DCAF6: variants seen among roughly 807,000 people sequenced by gnomAD.
DCAF6 encodes the protein DDB1- and CUL4-associated factor 6.
A neutral mutation model predicts 125.1 loss-of-function variants in DCAF6; 54 were observed. That is an observed-to-expected ratio of 0.43 (90% confidence interval 0.35 to 0.54). DCAF6 has a LOEUF of 0.54. Among genes scored for constraint, DCAF6 ranks in the 20% least tolerant of loss-of-function variants. DCAF6 has a pLI of 0.01. For missense variants in DCAF6, 934 were observed against 1,161.7 expected, an observed-to-expected ratio of 0.80 and a Z score of 2.85; for synonymous variants, 371 against 390.4, an observed-to-expected ratio of 0.95 and a Z score of 0.58.
chr1:167,958,269 C>G (rs1675064089), intron 2 of DCAF6, among the ~76,000 whole-genome samples: 1 of 149,316 alleles, frequency 6.7e-6, no homozygotes. Context: ...AGTTTTAGCT[C>G]TTCTGTTTAG....
At chr1:167,956,347 CATA>C (rs1674787405) in intron 2 of DCAF6, among the ~76,000 whole-genome samples, 1 of 152,076 alleles carries the variant, frequency 6.6e-6, no homozygotes, top group Admixed American at 6.6e-5. Context: ...AATTTATTGA[CATA>C]AAATTGTTCA....
At chr1:168,007,778 TCTCTTTACATACA>T (rs1348258503) in intron 10 of DCAF6, among the ~76,000 whole-genome samples, 1 of 151,872 alleles carries the variant, frequency 6.6e-6, no homozygotes, top group African/African-American at 2.4e-5. Flanking sequence ...TCTCTTCTCT[TCTCTTTACATACA>T]CTCTTTCTCT....
At position 167,967,714 on chromosome 1, in the gene DCAF6, C is replaced by CTTTTTTTTTTTTTTT. The variant is rs552208317; in HGVS notation, c.252+1005_252+1019dup. Among the ~76,000 whole-genome samples the CTTTTTTTTTTTTTTT allele has an allele frequency of 2.1e-4, 16 of 74,578 alleles. 1 individual carries two copies. The highest frequency in any genetic ancestry group is 7.4e-4 in the African/African-American group (14 of 18,982). The allele number at this position is 74,578 out of a possible 152,430, so 48.9% of individuals were successfully genotyped here. A position where few individuals can be genotyped will look rare whatever the true frequency, so the allele number is the denominator to read the frequency against. ...CCTGATTGTCTTAAATTTCCTGTAT[C>CTTTTTTTTTTTTTTT]TTTTTTTTTTTTTTTTTTTTTTTTT... is the stretch of plus-strand genomic sequence containing the variant. On this transcript the variant is annotated intron_variant, in intron 3 of 21. Coordinates refer to ENST00000367840, the MANE Select transcript of DCAF6 (RefSeq NM_001198956.2).
the DCAF6 span, among the ~76,000 whole-genome samples, chr1:167,928,844 G>A: frequency 6.6e-6 from 1 of 152,106 alleles, no homozygotes; most frequent in African/African-American, 2.4e-5. Flanking sequence ...TTGATTAGGT[G>A]GAAAATTTGA....
At chr1:167,964,347 T>G (rs1407258960) in intron 2 of DCAF6, among the ~76,000 whole-genome samples, 3 of 152,232 alleles carry the variant, frequency 2.0e-5, no homozygotes, top group Non-Finnish European at 4.4e-5. Flanking sequence ...TGCTTTGTTT[T>G]GTTTCCGTTA....
intron 10 of DCAF6, among the ~76,000 whole-genome samples, chr1:168,009,345 C>CCTCCCTTCCTT: frequency 7.8e-6 from 1 of 127,818 alleles, no homozygotes; most frequent in Admixed American, 7.9e-5. Flanking sequence ...CTTCCTTCCT[C>CCTCCCTTCCTT]CCTTCCTTCC....
intron 7 of DCAF6, among the ~76,000 whole-genome samples, chr1:167,993,925 AAT>A (rs1404531310): frequency 2.0e-5 from 3 of 152,036 alleles, no homozygotes; most frequent in African/African-American, 7.3e-5. Context: ...GAAGCTAATA[AAT>A]TACTATCAGT....
At chr1:167,877,899 G>GGTTT in the DCAF6 span, among the ~76,000 whole-genome samples, 1 of 152,130 alleles carries the variant, frequency 6.6e-6, no homozygotes, top group Non-Finnish European at 1.5e-5. Flanking sequence ...GAGGAGATGA[G>GGTTT]GTTGGAAAGG....
At chr1:168,010,870 G>C (rs960669632) in intron 10 of DCAF6, among the ~76,000 whole-genome samples, 1 of 152,018 alleles carries the variant, frequency 6.6e-6, no homozygotes, top group Non-Finnish European at 1.5e-5. Context: ...CTCATGTTAA[G>C]AATCTTTTCA....
chr1:168,068,894 T>C (rs1027497441), intron 21 of DCAF6, among the ~76,000 whole-genome samples: 7 of 152,150 alleles, frequency 4.6e-5, no homozygotes, highest in African/African-American at 1.2e-4. Context: ...GTGCCACAGA[T>C]ACATAAAAAT....
intron 1 of DCAF6, among the ~76,000 whole-genome samples, chr1:167,939,141 A>G (rs144729327): frequency 6.6e-6 from 1 of 152,288 alleles, no homozygotes; most frequent in African/African-American, 2.4e-5. Context: ...CCCTTAGTAG[A>G]CCTTTACACT....
intron 2 of DCAF6, among the ~76,000 whole-genome samples, chr1:167,957,369 G>A (rs755881342): frequency 6.6e-5 from 10 of 152,112 alleles, no homozygotes; most frequent in Admixed American, 4.6e-4. Context: ...GGCTGTTAAT[G>A]TAAGGGTTCT....
At chr1:167,989,074 C>CTT (rs1680440649) in intron 5 of DCAF6, among the ~76,000 whole-genome samples, 1 of 150,998 alleles carries the variant, frequency 6.6e-6, no homozygotes, top group African/African-American at 2.4e-5. Context: ...TGCGAGACTC[C>CTT]ATCTCAAACA....
At position 167,940,271 on chromosome 1, in the gene DCAF6, C is replaced by T. The variant is rs189804026; in HGVS notation, c.97+3263C>T. 4.6e-5 allele frequency among the ~76,000 whole-genome samples: 7 copies of T among 152,292 alleles called. No homozygotes were observed. The East Asian group carries it at 1.4e-3, about 29-fold the overall frequency. Reference sequence around the variant, plus strand: ...CCCAAATCCACAAGATTCACCTGGGCCAACAGAGTGTTGTTTTAGACTAGC... The same window carrying T: ...CCCAAATCCACAAGATTCACCTGGGTCAACAGAGTGTTGTTTTAGACTAGC... On this transcript the variant is annotated intron_variant, in intron 1 of 21. Coordinates refer to ENST00000367840, the MANE Select transcript of DCAF6 (RefSeq NM_001198956.2).
the DCAF6 span, chr1:167,878,555 T>C: frequency 3.1e-6 from 5 of 1,614,190 alleles, no homozygotes; most frequent in Admixed American, 5.0e-5. Context: ...TTGCTCCCAT[T>C]GTAGGTGACA....
chr1:168,044,858 C>A, intron 15 of DCAF6, 42 bp from the exon 16 acceptor site: 1 of 1,586,568 alleles, frequency 6.3e-7, no homozygotes. Flanking sequence ...ATTAGTATTG[C>A]CCACATTACC....
intron 21 of DCAF6, among the ~76,000 whole-genome samples, chr1:168,072,294 T>TGAA (rs1693164135): frequency 1.3e-3 from 54 of 41,008 alleles, no homozygotes; most frequent in Non-Finnish European, 1.9e-3. Flanking sequence ...AGAATCAGTC[T>TGAA]AAAAAAAAAA....
intron 7 of DCAF6, among the ~76,000 whole-genome samples, chr1:167,997,861 A>C (rs981325552): frequency 6.6e-6 from 1 of 152,092 alleles, no homozygotes; most frequent in Non-Finnish European, 1.5e-5. Flanking sequence ...TTCCCCAGAG[A>C]AGACATATAA....
At chr1:167,893,935 A>C in the DCAF6 span, 1 of 1,612,942 alleles carries the variant, frequency 6.2e-7, no homozygotes, top group South Asian at 1.1e-5. Context: ...TGCAAGCCTC[A>C]GGAGGTCTAA....
Sources: allele counts gnomAD v4.1 joint callset (sites outside exome capture counted in the v4.1 genomes callset), GRCh38; gene constraint gnomAD v4.1.1; transcripts MANE v1.5; gene names NCBI Gene and HGNC (gene_info 2026-07-23, HGNC 2026-07-21).